DLGAP1: variants seen among roughly 807,000 people sequenced by gnomAD.
The protein encoded by DLGAP1 is disks large-associated protein 1.
DLGAP1 carries 11 observed loss-of-function variants against 90.8 expected under a neutral mutation model. The observed-to-expected ratio is 0.12, with a 90% confidence interval of 0.08 to 0.20. DLGAP1 has a LOEUF of 0.20. Among genes scored for constraint, DLGAP1 ranks in the 10% least tolerant of loss-of-function variants. The pLI, the probability that DLGAP1 is intolerant of heterozygous loss-of-function variation, is 1.00. For missense variants in DLGAP1, 1,050 were observed against 1,333.8 expected (o/e 0.79, Z 3.31); for synonymous variants, 558 against 540.7 (o/e 1.03, Z -0.44).
At chr18:3,800,550 A>G (rs1017727024) in intron 5 of DLGAP1, among the ~76,000 whole-genome samples, 3 of 152,276 alleles carry the variant, frequency 2.0e-5, no homozygotes, top group Non-Finnish European at 4.4e-5. Flanking sequence ...GTATGTATAA[A>G]GAAAGTTTAG....
intron 7 of DLGAP1, among the ~76,000 whole-genome samples, chr18:3,723,701 C>T (rs950977814): frequency 9.2e-5 from 14 of 152,186 alleles, no homozygotes; most frequent in African/African-American, 3.4e-4. Flanking sequence ...AATGTTAGTT[C>T]TGACCTCAGA....
intron 2 of DLGAP1, among the ~76,000 whole-genome samples, chr18:4,131,331 C>T (rs928536120): frequency 6.6e-6 from 1 of 152,034 alleles, no homozygotes; most frequent in Non-Finnish European, 1.5e-5. Context: ...TTCCACATGA[C>T]AAATGGAATA....
At chr18:4,283,713 A>T (rs564604488) in intron 1 of DLGAP1, among the ~76,000 whole-genome samples, 1 of 152,366 alleles carries the variant, frequency 6.6e-6, no homozygotes, top group Non-Finnish European at 1.5e-5. Flanking sequence ...ATGCTAATGA[A>T]GATAAAATTC....
At chr18:3,843,196 T>C (rs1187326606) in intron 4 of DLGAP1, among the ~76,000 whole-genome samples, 2 of 152,180 alleles carry the variant, frequency 1.3e-5, no homozygotes, top group East Asian at 3.9e-4. Flanking sequence ...AGAGCTAATA[T>C]GTGAGTTTGT....
chr18:4,323,420 C>T (rs932082595), intron 1 of DLGAP1, among the ~76,000 whole-genome samples: 5 of 152,156 alleles, frequency 3.3e-5, no homozygotes, highest in African/African-American at 7.2e-5. Context: ...ATCCAACATT[C>T]CTACTTCTGG....
intron 1 of DLGAP1, among the ~76,000 whole-genome samples, chr18:4,364,543 G>T (rs188660478): frequency 1.3e-3 from 195 of 152,018 alleles, no homozygotes; most frequent in African/African-American, 4.6e-3. Flanking sequence ...ACATGGGAGG[G>T]AGTGCCCAGA....
In DLGAP1 at chr18:4,176,074, C is replaced by T. The variant is rs760588899; in HGVS notation, c.-266-24787G>A. ...TTATCCATGAGAATGGAATGTTTTT[C>T]CACTTGTTGGTGTCCTCTCTTATTT... is the stretch of plus-strand genomic sequence containing the variant. On this transcript the variant is annotated intron_variant, in intron 1 of 12. Coordinates refer to ENST00000315677, the MANE Select transcript of DLGAP1 (RefSeq NM_004746.4). Among the ~76,000 whole-genome samples the T allele has an allele frequency of 4.1e-4, 63 of 152,202 alleles. 1 individual carries two copies. The Middle Eastern group carries it at 0.01, about 25-fold the overall frequency.
At chr18:3,552,265 C>G (rs1384665621) in intron 9 of DLGAP1, among the ~76,000 whole-genome samples, 3 of 152,168 alleles carry the variant, frequency 2.0e-5, no homozygotes, top group Admixed American at 1.3e-4. Flanking sequence ...TCTGAATGTT[C>G]CTGAACAATT....
chr18:3,862,357 A>G (rs992982651), intron 4 of DLGAP1, among the ~76,000 whole-genome samples: 9 of 152,246 alleles, frequency 5.9e-5, no homozygotes, highest in African/African-American at 1.9e-4. Flanking sequence ...TTACAAGTAA[A>G]TGTGAGGAGA....
intron 4 of DLGAP1, among the ~76,000 whole-genome samples, chr18:3,830,143 G>A (rs1032524776): frequency 6.6e-6 from 1 of 152,196 alleles, no homozygotes; most frequent in Non-Finnish European, 1.5e-5. Context: ...ACCTAGCAAG[G>A]TGCCTGGCAT....
chr18:3,667,360 C>G (rs2059922088), intron 7 of DLGAP1, among the ~76,000 whole-genome samples: 1 of 152,128 alleles, frequency 6.6e-6, no homozygotes, highest in Non-Finnish European at 1.5e-5. Context: ...ATTGACTGTG[C>G]TGCTTACCAT....
chr18:3,765,143 T>TTTTTTTTTTTTTTA (rs1235629970), intron 5 of DLGAP1, among the ~76,000 whole-genome samples: 1 of 143,196 alleles, frequency 7.0e-6, no homozygotes, highest in African/African-American at 2.7e-5. Context: ...TTTTTTTTTT[T>TTTTTTTTTTTTTTA]TTGAGACAGA....
At chr18:3,744,898 A>C (rs547977633) in intron 5 of DLGAP1, among the ~76,000 whole-genome samples, 3 of 152,366 alleles carry the variant, frequency 2.0e-5, no homozygotes, top group Admixed American at 2.0e-4. Context: ...AGTTTATATA[A>C]GATTCAGAGC....
intron 1 of DLGAP1, among the ~76,000 whole-genome samples, chr18:4,328,838 C>T (rs2080884625): frequency 6.6e-6 from 1 of 151,824 alleles, no homozygotes; most frequent in Admixed American, 6.6e-5. Context: ...ATTCATTTAC[C>T]TTCTCTTGTG....
intron 2 of DLGAP1, among the ~76,000 whole-genome samples, chr18:4,039,649 T>C (rs934123675): frequency 3.3e-5 from 5 of 152,318 alleles, no homozygotes; most frequent in Middle Eastern, 3.4e-3. Context: ...ATTTGTAAAG[T>C]AAGCATGGGT....
At chr18:3,704,000 C>G (rs2061361074) in intron 7 of DLGAP1, among the ~76,000 whole-genome samples, 1 of 152,194 alleles carries the variant, frequency 6.6e-6, no homozygotes, top group Non-Finnish European at 1.5e-5. Context: ...CCATTGGGAA[C>G]ATTAGGGCTG....
chr18:4,361,895 A>G (rs1346776825), intron 1 of DLGAP1, among the ~76,000 whole-genome samples: 2 of 152,200 alleles, frequency 1.3e-5, no homozygotes, highest in African/African-American at 2.4e-5. Context: ...GCTAAAAACC[A>G]GAAGACCTAA....
chr18:3,967,807 G>A (rs577681966), intron 3 of DLGAP1, among the ~76,000 whole-genome samples: 1 of 151,980 alleles, frequency 6.6e-6, no homozygotes, highest in East Asian at 2.0e-4. Flanking sequence ...CCACAACTAA[G>A]TATAACTGTT....
At chr18:4,016,509 T>C (rs996724466) in intron 2 of DLGAP1, among the ~76,000 whole-genome samples, 5 of 152,228 alleles carry the variant, frequency 3.3e-5, no homozygotes, top group Admixed American at 6.5e-5. Flanking sequence ...CAGATTACCC[T>C]TGGGGAAGTT....
Sources: allele counts gnomAD v4.1 joint callset (sites outside exome capture counted in the v4.1 genomes callset), GRCh38; gene constraint gnomAD v4.1.1; transcripts MANE v1.5; gene names NCBI Gene and HGNC (gene_info 2026-07-23, HGNC 2026-07-21).